MGAM2: variants seen among roughly 807,000 people sequenced by gnomAD.
MGAM2 encodes maltase-glucoamylase 2 (putative).
In MGAM2, 98 loss-of-function variants were observed where a neutral mutation model predicts 96.1. The observed-to-expected ratio is 1.02, with a 90% confidence interval of 0.87 to 1.21. The LOEUF is 1.21. MGAM2 is among the 50% of genes most tolerant of loss of function. The probability of loss-of-function intolerance (pLI) is 0.00; values close to 1 mark genes in which losing one functional copy is unlikely to be tolerated. For synonymous variants in MGAM2, 749 were observed against 414.8 expected (o/e 1.81, Z -9.79); for missense variants, 2,055 against 1,182.4 (o/e 1.74, Z -10.82).
intron 23 of MGAM2, among the ~76,000 whole-genome samples, chr7:142,163,600 A>T (rs1795953141): frequency 6.6e-6 from 1 of 152,170 alleles, no homozygotes; most frequent in Non-Finnish European, 1.5e-5. Flanking sequence ...ATTTCTCTTT[A>T]ATAAGTGCCT....
At chr7:142,135,722 T>TCACACACACACACA (rs1476122778) in intron 7 of MGAM2, among the ~76,000 whole-genome samples, 1 of 77,296 alleles carries the variant, frequency 1.3e-5, no homozygotes, top group Non-Finnish European at 2.4e-5. Context: ...GCACTTAGAG[T>TCACACACACACACA]TACACACACA....
intron 2 of MGAM2, 124 bp downstream of exon 2, chr7:142,117,103 C>A: frequency 1.6e-6 from 1 of 636,920 alleles, no homozygotes; most frequent in Non-Finnish European, 2.8e-6. Flanking sequence ...AATTCACTTC[C>A]ATGATTAGTT....
chr7:142,162,007 A>G lies in MGAM2; in HGVS notation c.2484+3A>G. ...TATATGATTTCTCTGTTACCTCTGT[A>G]AGTATTTTGTTTGAGGAACACACAG... On this transcript the variant is annotated splice_donor_region_variant and intron_variant, in intron 23 of 47. Transcript: ENST00000477922. 1 of 690,436 alleles carries G rather than the reference A, an allele frequency of 1.4e-6. No homozygotes were observed. The highest frequency in any genetic ancestry group is 2.6e-6 in the Non-Finnish European group (1 of 380,516). 42.8% of individuals were successfully genotyped at this position (690,436 alleles called of 1,614,324 possible). A position where few individuals can be genotyped will look rare whatever the true frequency, so the allele number is the denominator to read the frequency against.
intron 38 of MGAM2, 24 bp downstream of exon 38, chr7:142,196,311 C>T (rs1180475760): frequency 2.8e-6 from 2 of 711,974 alleles, no homozygotes. Flanking sequence ...TTCCCAGGGG[C>T]CTGTGCTGGC....
chr7:142,132,686 AATTAATAATATTAATTAATATAATTAAT>A (rs1218414195), intron 6 of MGAM2, among the ~76,000 whole-genome samples: 2 of 126,862 alleles, frequency 1.6e-5, no homozygotes, highest in African/African-American at 6.3e-5. Context: ...ATTATAATAT[AATTAATAATATTAATTAATATAATTAAT>A]ATTAATAATA....
chr7:142,147,190 C>T (rs1795412837), intron 14 of MGAM2, among the ~76,000 whole-genome samples: 1 of 152,200 alleles, frequency 6.6e-6, no homozygotes, highest in Admixed American at 6.5e-5. Flanking sequence ...TTGCTCTGAG[C>T]ATGTTTCTCA....
At chr7:142,146,790 C>T (rs1267195030) in intron 14 of MGAM2, among the ~76,000 whole-genome samples, 3 of 151,734 alleles carry the variant, frequency 2.0e-5, no homozygotes, top group Admixed American at 6.6e-5. Flanking sequence ...TGCAGTGGCA[C>T]GATCTCGGCT....
At chr7:142,115,270 A>G (rs534371255) in intron 1 of MGAM2, among the ~76,000 whole-genome samples, 1 of 152,370 alleles carries the variant, frequency 6.6e-6, no homozygotes, top group African/African-American at 2.4e-5. Context: ...TGTCAAGACC[A>G]TCAGTCGGCT....
intron 3 of MGAM2, among the ~76,000 whole-genome samples, chr7:142,123,869 C>A (rs984746723): frequency 7.2e-5 from 11 of 151,730 alleles, no homozygotes; most frequent in Non-Finnish European, 1.3e-4. Flanking sequence ...TACTATCTTT[C>A]CCTTAAAAGC....
At chr7:142,173,455 T>C (rs1221755756) in intron 31 of MGAM2, 101 bp downstream of exon 31, 13 of 626,282 alleles carry the variant, frequency 2.1e-5, no homozygotes, top group Non-Finnish European at 3.5e-5. Flanking sequence ...GATAACTTGA[T>C]ACATTCAGGC....
Position 142,198,212 on chromosome 7 carries a change from T to C in MGAM2, c.4923+17T>C. ...TATAGCACGGTAAGAACTAATATATTTGTGAAGAACCAGTTTGGTCTATGC... is the reference window on the plus strand; with the variant it reads ...TATAGCACGGTAAGAACTAATATATCTGTGAAGAACCAGTTTGGTCTATGC... On this transcript the variant is annotated intron_variant, in intron 43 of 47. Coordinates refer to ENST00000477922, the MANE Select transcript of MGAM2 (RefSeq NM_001293626.2). The C allele has an allele frequency of 2.8e-6, 2 of 701,796 alleles. No homozygotes were observed. The highest frequency in any genetic ancestry group is 5.2e-6 in the Non-Finnish European group (2 of 384,328). 43.5% of individuals were successfully genotyped at this position (701,796 alleles called of 1,614,324 possible). A position where few individuals can be genotyped will look rare whatever the true frequency, so the allele number is the denominator to read the frequency against.
At chr7:142,200,217 C>T (rs1797180161) in intron 45 of MGAM2, among the ~76,000 whole-genome samples, 2 of 152,286 alleles carry the variant, frequency 1.3e-5, no homozygotes, top group African/African-American at 4.8e-5. Flanking sequence ...GATGATCTAT[C>T]TCTGTATAAC....
intron 46 of MGAM2, among the ~76,000 whole-genome samples, chr7:142,213,239 C>A (rs1458450862): frequency 2.0e-5 from 3 of 151,916 alleles, no homozygotes; most frequent in African/African-American, 7.3e-5. Context: ...AAAATCAACA[C>A]CCTAACATCA....
chr7:142,142,213 C>T (rs563083787), intron 12 of MGAM2, among the ~76,000 whole-genome samples: 113 of 152,008 alleles, frequency 7.4e-4, no homozygotes, highest in South Asian at 4.2e-3. Context: ...AGTTTTCTTC[C>T]TTCTGCACAC....
At chr7:142,198,319 A>C (rs1797114096) in intron 43 of MGAM2, 124 bp downstream of exon 43, 1 of 618,838 alleles carries the variant, frequency 1.6e-6, no homozygotes, top group East Asian at 2.8e-5. Flanking sequence ...AGCCTTGGCA[A>C]GGCTTGTTTA....
Position 142,221,698 on chromosome 7 carries a change from C to A in MGAM2, c.7187C>A (p.Thr2396Lys). 1 of 425,190 alleles carries A rather than the reference C, an allele frequency of 2.4e-6. No individual in the cohort carries two copies. The allele number at this position is 425,190 out of a possible 1,614,324, so 26.3% of individuals were successfully genotyped here. A position where few individuals can be genotyped will look rare whatever the true frequency, so the allele number is the denominator to read the frequency against. The change falls in exon 48 of 48, where the codon ACA becomes AAA. Residue 2396 changes from threonine to lysine, a missense_variant. Physicochemically the swap from Thr to Lys is moderately conservative, Grantham distance 78 (BLOSUM62 -1). Coordinates refer to ENST00000477922, the MANE Select transcript of MGAM2 (RefSeq NM_001293626.2). ...QFATPHSATT[T>K]TLALSHTSLA... The stretch of plus-strand genomic sequence containing the variant: ...GCTACTCCCCATTCTGCTACTACTA[C>A]AACACTGGCCTTAAGCCACACCTCA...
chr7:142,163,994 A>G (rs1585177731), intron 23 of MGAM2, among the ~76,000 whole-genome samples: 2 of 152,266 alleles, frequency 1.3e-5, no homozygotes, highest in African/African-American at 4.8e-5. Flanking sequence ...TCTGAATATT[A>G]TCTCCCATTT....
intron 23 of MGAM2, among the ~76,000 whole-genome samples, chr7:142,163,656 T>C (rs1287240573): frequency 2.6e-5 from 4 of 152,220 alleles, no homozygotes; most frequent in African/African-American, 9.6e-5. Flanking sequence ...TTTAGTTTTA[T>C]AATAATCTTC....
At chr7:142,158,888 G>A (rs5024722) in intron 19 of MGAM2, among the ~76,000 whole-genome samples, 114,688 of 152,008 alleles carry the variant, frequency 0.75, 43,728 homozygotes, top group Admixed American at 0.81. Flanking sequence ...AATATTGCCA[G>A]TGTAGCCATG....
Sources: gnomAD v4.1 joint callset for allele counts (sites outside exome capture counted in the v4.1 genomes callset) on GRCh38, gnomAD v4.1.1 for gene constraint, MANE v1.5 for transcripts, NCBI Gene and HGNC (gene_info 2026-07-23, HGNC 2026-07-21) for gene names.